Variants in KIF1B observed in about 807,000 individuals in gnomAD.
KIF1B encodes the protein kinesin-like protein KIF1B.
In KIF1B, 76 loss-of-function variants were observed where a neutral mutation model predicts 241.9. That is an observed-to-expected ratio of 0.31 (90% CI 0.26 to 0.38). The LOEUF (loss-of-function observed/expected upper bound fraction) is 0.38. KIF1B is among the 10% of genes least tolerant of loss of function. The pLI is 1.00. For missense variants in KIF1B, 1,622 were observed against 2,271.4 expected (o/e 0.71, Z 5.81); for synonymous variants, 750 against 796.7 (o/e 0.94, Z 0.99).
chr1:10,374,279 T>A lies in KIF1B; in HGVS notation c.4947-37T>A, dbSNP rs762940376. On this transcript the variant is annotated intron_variant, in intron 45 of 48. Transcript: ENST00000676179. This position sits in a 1 kb window ranked among gnomAD's most constrained non-coding sequence, Gnocchi z 4.3. ...TATGCCTTGATTGTAACTGATTCTC[T>A]TGTTACCCTTTTCTTTCTAATCTCT... 1 of 1,604,752 alleles carries A rather than the reference T, an allele frequency of 6.2e-7. No homozygotes were observed. The highest frequency in any genetic ancestry group is 8.5e-7 in the Non-Finnish European group (1 of 1,171,476).
Position 10,324,852 on chromosome 1 carries a change from G to A in KIF1B, c.2632G>A (p.Asp878Asn), listed in dbSNP as rs1651668661. Residue 878 changes from aspartate to asparagine, a missense_variant, in exon 26 of 49, where the codon GAT (aspartate) becomes AAT (asparagine). Physicochemically the swap from Asp to Asn is conservative, Grantham distance 23. This residue lies in a region of KIF1B where 803 missense variants were observed against 1,112.0 expected (regional missense o/e 0.72). Transcript: ENST00000676179. The part of the protein sequence containing the change: ...DESETTVTGS[D>N]PFYDRFHWFK... ...AAGCGAAACCACTGTGACTGGCAGC[G>A]ATCCCTTCTATGATCGGTTCCACTG... 1.2e-6 allele frequency: 2 copies of A among 1,614,128 alleles called. No individual in the cohort carries two copies. Among genetic ancestry groups the A allele is most frequent in the Non-Finnish European group, 1.7e-6 (2 of 1,180,030 alleles).
intron 38 of KIF1B, 50 bp downstream of exon 38, chr1:10,352,786 T>C (rs774760491): frequency 1.2e-5 from 16 of 1,302,612 alleles, no homozygotes; most frequent in Non-Finnish European, 1.7e-5. Flanking sequence ...AGGCGTTAAT[T>C]GGTACACCGT....
At chr1:10,233,868 C>T (rs1647014420) in intron 2 of KIF1B, among the ~76,000 whole-genome samples, 1 of 152,058 alleles carries the variant, frequency 6.6e-6, no homozygotes, top group Non-Finnish European at 1.5e-5. Context: ...TCTCAAACTC[C>T]TGACCTCAGG....
intron 15 of KIF1B, among the ~76,000 whole-genome samples, chr1:10,283,031 C>T (rs1052716296): frequency 1.3e-5 from 2 of 151,756 alleles, no homozygotes; most frequent in African/African-American, 4.8e-5. Flanking sequence ...CACGGTGAGA[C>T]CCTGTCTCTA....
intron 1 of KIF1B, among the ~76,000 whole-genome samples, chr1:10,214,727 T>A (rs1343833789): frequency 6.7e-6 from 1 of 148,896 alleles, no homozygotes; most frequent in African/African-American, 2.5e-5. Flanking sequence ...GGACTACAGG[T>A]GCACACCACC....
Position 10,300,237 on chromosome 1 carries a change from A to AATAATAATAAT in KIF1B, c.2115+2992_2115+2993insTAATAATAATA, listed in dbSNP as rs1553165909. 4.0e-3 allele frequency among the ~76,000 whole-genome samples: 570 copies of AATAATAATAAT among 143,906 alleles called. 8 individuals carry two copies. Among genetic ancestry groups the AATAATAATAAT allele is most frequent in the Middle Eastern group, 0.014 (4 of 278 alleles). The allele number at this position is 143,906 out of a possible 152,430, so 94.4% of individuals were successfully genotyped here. ...GGGTGATAAAGCTAGACTCAGTGTC[A>AATAATAATAAT]AATAATAATAATAATAATAATAATA... On this transcript the variant is annotated intron_variant, in intron 22 of 48. Coordinates refer to ENST00000676179, the MANE Select transcript of KIF1B (RefSeq NM_001365951.3).
rs1427617595 is a variant in KIF1B, at chr1:10,376,780, T to C, written c.*193T>C. On this transcript the variant is annotated 3_prime_UTR_variant, in exon 49 of 49. Transcript: ENST00000676179. ...CTCTGTACTCTTTTCTTTTTTCTTGTGCTGAGAATCTCGTTAGTAGCATGT... is the reference window on the plus strand; with the variant it reads ...CTCTGTACTCTTTTCTTTTTTCTTGCGCTGAGAATCTCGTTAGTAGCATGT... 5 of 613,666 alleles carry C rather than the reference T, an allele frequency of 8.1e-6. No homozygotes were observed. The highest frequency in any genetic ancestry group is 2.5e-5 in the Admixed American group (1 of 39,564). The allele number at this position is 613,666 out of a possible 1,614,324, so 38.0% of individuals were successfully genotyped here. A position where few individuals can be genotyped will look rare whatever the true frequency, so the allele number is the denominator to read the frequency against.
At chr1:10,333,986 A>G (rs936854789) in intron 27 of KIF1B, among the ~76,000 whole-genome samples, 2 of 151,672 alleles carry the variant, frequency 1.3e-5, no homozygotes. Context: ...CCCCATCTCT[A>G]TTAAAAATAC....
At chr1:10,338,725 G>A (rs748894074) in intron 31 of KIF1B, among the ~76,000 whole-genome samples, 13 of 152,240 alleles carry the variant, frequency 8.5e-5, no homozygotes, top group South Asian at 8.3e-4. Context: ...CCTCAAAGGC[G>A]TCCTGTGTTT....
intron 2 of KIF1B, among the ~76,000 whole-genome samples, chr1:10,247,084 C>T (rs777666886): frequency 6.6e-6 from 1 of 152,154 alleles, no homozygotes; most frequent in Non-Finnish European, 1.5e-5. Context: ...AGGCTGGTAT[C>T]GAACTCCTGA....
chr1:10,368,677 A>C (rs547700868), intron 44 of KIF1B, 139 bp downstream of exon 44: 1 of 736,096 alleles, frequency 1.4e-6, no homozygotes, highest in East Asian at 2.6e-5. Context: ...AATTTATGAC[A>C]TACTGCTCTG....
At chr1:10,301,092 G>A (rs561683472) in intron 22 of KIF1B, among the ~76,000 whole-genome samples, 6 of 152,026 alleles carry the variant, frequency 3.9e-5, no homozygotes, top group African/African-American at 1.5e-4. Context: ...CCCGGCTAAG[G>A]CAGGAAGATC....
At chr1:10,300,237 AAATAATAATAAT>A (rs367822978) in intron 22 of KIF1B, among the ~76,000 whole-genome samples, 18 of 143,912 alleles carry the variant, frequency 1.3e-4, no homozygotes, top group Non-Finnish European at 2.4e-4. Flanking sequence ...ACTCAGTGTC[AAATAATAATAAT>A]AATAATAATA....
intron 43 of KIF1B, 125 bp from the exon 44 acceptor site, chr1:10,368,342 A>T: frequency 1.3e-6 from 1 of 747,242 alleles, no homozygotes; most frequent in East Asian, 2.5e-5. Context: ...GGGAGAGGAG[A>T]TGTGGAGCTT....
intron 32 of KIF1B, among the ~76,000 whole-genome samples, chr1:10,341,345 A>G (rs1652383800): frequency 6.6e-6 from 1 of 152,248 alleles, no homozygotes; most frequent in Admixed American, 6.5e-5. Context: ...AGGTGTGTCA[A>G]ACTTGGCATT....
Position 10,232,117 on chromosome 1 carries a change from G to A in KIF1B, c.-79-133G>A, listed in dbSNP as rs1571108029. On this transcript the variant is annotated intron_variant, in intron 1 of 48. Coordinates refer to ENST00000676179, the MANE Select transcript of KIF1B (RefSeq NM_001365951.3). ...ACAAAACAAAACAAAAGATTTGCAC[G>A]GGAGAAAAGGGATGAATATCGTTTT... 8 of 520,216 alleles carry A rather than the reference G, an allele frequency of 1.5e-5. No individual in the cohort carries two copies. The Admixed American group carries it at 1.9e-4, about 13-fold the overall frequency. The allele number at this position is 520,216 out of a possible 1,614,324, so 32.2% of individuals were successfully genotyped here.
intron 1 of KIF1B, among the ~76,000 whole-genome samples, chr1:10,218,157 G>A (rs569376400): frequency 3.3e-5 from 5 of 152,014 alleles, no homozygotes; most frequent in Middle Eastern, 3.4e-3. Flanking sequence ...TCCCACTTCC[G>A]TGCCAACCCA....
At chr1:10,225,381 A>G (rs996400620) in intron 1 of KIF1B, among the ~76,000 whole-genome samples, 1 of 152,122 alleles carries the variant, frequency 6.6e-6, no homozygotes, top group African/African-American at 2.4e-5. Context: ...GCTGCTCGGG[A>G]AACTGAGACA....
chr1:10,328,336 G>A (rs1196157821), intron 27 of KIF1B, among the ~76,000 whole-genome samples: 1 of 152,220 alleles, frequency 6.6e-6, no homozygotes, highest in Non-Finnish European at 1.5e-5. Flanking sequence ...AGCCTCAAGT[G>A]TAACTGTAGG....
Sources: allele counts gnomAD v4.1 joint callset (sites outside exome capture counted in the v4.1 genomes callset), GRCh38; gene constraint gnomAD v4.1.1; regional missense constraint gnomAD v4.1.1; non-coding constraint Gnocchi (gnomAD v3.1); transcripts MANE v1.5; gene names NCBI Gene and HGNC (gene_info 2026-07-23, HGNC 2026-07-21).